Variants in PPP1R1C observed in about 807,000 individuals in gnomAD.
PPP1R1C encodes the protein protein phosphatase 1 regulatory inhibitor subunit 1C.
In PPP1R1C, 15 loss-of-function variants were observed where a neutral mutation model predicts 17.4. The observed-to-expected ratio is 0.86, with a 90% CI of 0.58 to 1.33. PPP1R1C has a LOEUF of 1.33. Ranked by LOEUF, PPP1R1C falls within the 40% of genes most tolerant of loss-of-function variation. The pLI, the probability that PPP1R1C is intolerant of heterozygous loss-of-function variation, is 0.00. For missense variants in PPP1R1C, 143 were observed against 130.0 expected, an observed-to-expected ratio of 1.10 and a Z score of -0.48; for synonymous variants, 35 against 43.1, an observed-to-expected ratio of 0.81 and a Z score of 0.73.
upstream of PPP1R1C, among the ~76,000 whole-genome samples, chr2:181,982,548 A>C (rs1685212452): frequency 6.6e-6 from 1 of 152,236 alleles, no homozygotes; most frequent in African/African-American, 2.4e-5. Context: ...ATAAAACTAT[A>C]TATAATTAAA....
intron 2 of PPP1R1C, among the ~76,000 whole-genome samples, chr2:182,007,646 C>T (rs1375462507): frequency 6.6e-6 from 1 of 152,156 alleles, no homozygotes; most frequent in Non-Finnish European, 1.5e-5. Context: ...TTTCCCAGGC[C>T]ATGTTTTCCC....
chr2:181,987,921 C>T, intron 2 of PPP1R1C, 22 bp downstream of exon 2: 1 of 1,580,724 alleles, frequency 6.3e-7, no homozygotes, highest in Middle Eastern at 1.7e-4. Flanking sequence ...TGATGTGTTT[C>T]ACACTGATGG....
chr2:182,011,209 A>T (rs1352330354), intron 2 of PPP1R1C, among the ~76,000 whole-genome samples: 1 of 151,870 alleles, frequency 6.6e-6, no homozygotes, highest in Non-Finnish European at 1.5e-5. Context: ...TAGTTCTTTA[A>T]ATGACGGGTA....
intron 2 of PPP1R1C, among the ~76,000 whole-genome samples, chr2:182,039,762 G>A (rs570787992): frequency 2.6e-5 from 4 of 152,164 alleles, no homozygotes; most frequent in African/African-American, 9.6e-5. Flanking sequence ...TCTAAGTAGT[G>A]TATATTGTAC....
chr2:181,962,564 TC>T lies in PPP1R1C; in HGVS notation n.111+7931del. Reference sequence around the variant, plus strand: ...TTTCTAAGGAACCTGCAGAGAAACATCAAGCTCAGATCGAACAAAGCAAAGA... The same window carrying T: ...TTTCTAAGGAACCTGCAGAGAAACATAAGCTCAGATCGAACAAAGCAAAGA... On this transcript the variant is annotated intron_variant and non_coding_transcript_variant, in intron 1 of 5. Transcript: ENST00000464264. This position sits in a 1 kb window ranked among gnomAD's most constrained non-coding sequence, Gnocchi z 6.0. 2 of 548,844 alleles carry T rather than the reference TC, an allele frequency of 3.6e-6. No homozygotes were observed. The highest frequency in any genetic ancestry group is 7.6e-5 in the East Asian group (2 of 26,266). The allele number at this position is 548,844 out of a possible 1,614,324, so 34.0% of individuals were successfully genotyped here.
At chr2:182,127,187 T>C (rs1035556602) in intron 5 of PPP1R1C, among the ~76,000 whole-genome samples, 1 of 152,070 alleles carries the variant, frequency 6.6e-6, no homozygotes, top group Non-Finnish European at 1.5e-5. Context: ...GACATAAACT[T>C]GTAAGGTTTG....
At chr2:182,014,400 ATCTC>A (rs745754937) in intron 2 of PPP1R1C, among the ~76,000 whole-genome samples, 1 of 151,854 alleles carries the variant, frequency 6.6e-6, no homozygotes, top group Non-Finnish European at 1.5e-5. Flanking sequence ...AACAAACAGA[ATCTC>A]TCTCTCTCTG....
intron 2 of PPP1R1C, among the ~76,000 whole-genome samples, chr2:182,027,716 C>G (rs1473758283): frequency 4.0e-5 from 6 of 151,366 alleles, no homozygotes. Flanking sequence ...CAGAATGATG[C>G]TAGCCTCATA....
chr2:182,014,630 C>T (rs550964979), intron 2 of PPP1R1C, among the ~76,000 whole-genome samples: 8 of 151,884 alleles, frequency 5.3e-5, no homozygotes, highest in Non-Finnish European at 8.8e-5. Context: ...CCCTTCACAG[C>T]GGCAAACCCT....
intron 1 of PPP1R1C, among the ~76,000 whole-genome samples, chr2:181,964,990 G>A (rs932077420): frequency 1.3e-5 from 2 of 152,216 alleles, no homozygotes; most frequent in African/African-American, 4.8e-5. Context: ...ACAGGCGTGA[G>A]CCATCGCACT....
intron 4 of PPP1R1C, among the ~76,000 whole-genome samples, chr2:182,094,713 A>AGGGTC (rs1688881352): frequency 6.6e-6 from 1 of 152,096 alleles, no homozygotes; most frequent in Non-Finnish European, 1.5e-5. Context: ...CACTTTTTTG[A>AGGGTC]ATTGCAGATG....
chr2:182,008,992 A>G (rs1042091629), intron 2 of PPP1R1C, among the ~76,000 whole-genome samples: 5 of 152,136 alleles, frequency 3.3e-5, no homozygotes, highest in Admixed American at 6.5e-5. Flanking sequence ...AGAGTAGTCT[A>G]TTGTGTTTAC....
intron 2 of PPP1R1C, among the ~76,000 whole-genome samples, chr2:182,037,104 G>A (rs1381479189): frequency 6.6e-6 from 1 of 152,050 alleles, no homozygotes; most frequent in Non-Finnish European, 1.5e-5. Context: ...AGATTCTCTA[G>A]GAGCAAAAAG....
chr2:182,035,391 G>A (rs1686973487), intron 2 of PPP1R1C, among the ~76,000 whole-genome samples: 1 of 151,992 alleles, frequency 6.6e-6, no homozygotes, highest in African/African-American at 2.4e-5. Flanking sequence ...TCATGTAAGT[G>A]CCTTACTTAA....
At chr2:182,016,491 T>A (rs1361150044) in intron 2 of PPP1R1C, among the ~76,000 whole-genome samples, 1 of 152,234 alleles carries the variant, frequency 6.6e-6, no homozygotes, top group African/African-American at 2.4e-5. Context: ...GCAATTTCTT[T>A]ATCTGGAATA....
At position 181,989,247 on chromosome 2, in the gene PPP1R1C, T is replaced by C. The variant is rs548488295; in HGVS notation, c.142+1348T>C. On this transcript the variant is annotated intron_variant, in intron 2 of 4. Transcript: ENST00000682840. The stretch of plus-strand genomic sequence containing the variant: ...AGTTTTCAGAGGTCTATAGGCATCA[T>C]TGCTGTTTGAACATAGTGAAGTCAT... Among the ~76,000 whole-genome samples the C allele has an allele frequency of 5.3e-4, 80 of 152,328 alleles. 1 individual carries two copies. In the South Asian group the frequency reaches 5.8e-3, roughly 11 times the overall value.
chr2:182,094,201 G>T (rs1216924498), intron 4 of PPP1R1C, among the ~76,000 whole-genome samples: 1 of 152,188 alleles, frequency 6.6e-6, no homozygotes, highest in Non-Finnish European at 1.5e-5. Context: ...GGCAAAAAAA[G>T]AGCTTGTGCA....
At chr2:182,130,577 G>T (rs996914208), downstream of PPP1R1C, 4 of 152,168 alleles carry the variant, frequency 2.6e-5, no homozygotes, top group Non-Finnish European at 5.9e-5. Context: ...AATAATTAGA[G>T]AAGAATATCT....
At chr2:181,970,479 A>G (rs888760627) in intron 1 of PPP1R1C, among the ~76,000 whole-genome samples, 6 of 152,142 alleles carry the variant, frequency 3.9e-5, no homozygotes, top group Admixed American at 2.0e-4. Flanking sequence ...CTCTTCTCTT[A>G]CATTTCCCCA....
Sources: allele counts gnomAD v4.1 joint callset (sites outside exome capture counted in the v4.1 genomes callset), GRCh38; gene constraint gnomAD v4.1.1; non-coding constraint Gnocchi (gnomAD v3.1); transcripts MANE v1.5; gene names NCBI Gene and HGNC (gene_info 2026-07-23, HGNC 2026-07-21).